CNTNAP2: variants seen among roughly 807,000 people sequenced by gnomAD.
CNTNAP2 encodes contactin associated protein 2.
A neutral mutation model predicts 155.2 loss-of-function variants in CNTNAP2; 98 were observed. The observed-to-expected ratio is 0.63, with a 90% CI of 0.54 to 0.75. CNTNAP2 has a LOEUF of 0.75. CNTNAP2 is among the 30% of genes least tolerant of loss of function. The pLI is 0.00. For synonymous variants in CNTNAP2, 651 were observed against 631.2 expected, an observed-to-expected ratio of 1.03 and a Z score of -0.47; for missense variants, 1,727 against 1,688.1, an observed-to-expected ratio of 1.02 and a Z score of -0.40.
intron 2 of CNTNAP2, among the ~76,000 whole-genome samples, chr7:146,818,868 A>G (rs899130267): frequency 6.6e-6 from 1 of 152,130 alleles, no homozygotes; most frequent in Non-Finnish European, 1.5e-5. Context: ...TAGTGTATGT[A>G]TGTAAAATAT....
intron 3 of CNTNAP2, among the ~76,000 whole-genome samples, chr7:146,992,237 A>T (rs1042676118): frequency 1.2e-4 from 19 of 152,222 alleles, no homozygotes; most frequent in Non-Finnish European, 1.8e-4. Context: ...TTTAAAAAAA[A>T]TCTTAGAGTA....
intron 3 of CNTNAP2, among the ~76,000 whole-genome samples, chr7:147,006,811 G>T (rs1798533666): frequency 6.6e-6 from 1 of 151,898 alleles, no homozygotes; most frequent in Non-Finnish European, 1.5e-5. Context: ...GGGGAGTATG[G>T]GGTCCTTGGT....
intron 15 of CNTNAP2, chr7:148,014,021 A>G (rs1401383430): frequency 6.6e-6 from 1 of 152,116 alleles, no homozygotes; most frequent in African/African-American, 2.4e-5. Context: ...AGCATTCCCA[A>G]ATGATTCCAA....
intron 10 of CNTNAP2, among the ~76,000 whole-genome samples, chr7:147,414,899 G>A (rs1162931891): frequency 1.7e-4 from 21 of 125,692 alleles, no homozygotes; most frequent in Non-Finnish European, 2.8e-4. Flanking sequence ...CCGAGATCGC[G>A]CCACTGCACT....
intron 8 of CNTNAP2, among the ~76,000 whole-genome samples, chr7:147,136,027 C>CAA (rs557644300): frequency 4.8e-4 from 67 of 140,756 alleles, no homozygotes; most frequent in African/African-American, 1.7e-3. Context: ...TGAATTATAG[C>CAA]AAAAAAAAAA....
intron 18 of CNTNAP2, among the ~76,000 whole-genome samples, chr7:148,213,907 C>T (rs1394199586): frequency 2.0e-5 from 3 of 152,160 alleles, no homozygotes; most frequent in African/African-American, 7.2e-5. Flanking sequence ...CCTCGGGGGT[C>T]TCAAGTGAAT....
chr7:147,441,838 TCTCTCTCTCTCTCCCTCCCTCC>T (rs1432776149), intron 10 of CNTNAP2, among the ~76,000 whole-genome samples: 14 of 146,966 alleles, frequency 9.5e-5, no homozygotes, highest in Non-Finnish European at 1.8e-4. Flanking sequence ...TCTCTCTCTC[TCTCTCTCTCTCTCCCTCCCTCC>T]CTCCCTCCCT....
chr7:146,375,582 G>A (rs186939309), intron 1 of CNTNAP2, among the ~76,000 whole-genome samples: 109 of 152,254 alleles, frequency 7.2e-4, no homozygotes, highest in Non-Finnish European at 1.1e-3. Flanking sequence ...CCTATTCTCC[G>A]AATTATAATT....
At chr7:146,933,551 C>G (rs1360010709) in intron 3 of CNTNAP2, among the ~76,000 whole-genome samples, 1 of 150,260 alleles carries the variant, frequency 6.7e-6, no homozygotes, top group Non-Finnish European at 1.5e-5. Flanking sequence ...GTCTAAAACA[C>G]CAAAAGCAAT....
chr7:147,408,444 G>A (rs1196769450), intron 10 of CNTNAP2, among the ~76,000 whole-genome samples: 1 of 152,166 alleles, frequency 6.6e-6, no homozygotes, highest in African/African-American at 2.4e-5. Context: ...TTGAAGCTAG[G>A]AATTTAGGGG....
chr7:148,023,768 C>G (rs1802326035), intron 15 of CNTNAP2, among the ~76,000 whole-genome samples: 1 of 152,164 alleles, frequency 6.6e-6, no homozygotes, highest in African/African-American at 2.4e-5. Context: ...GTCCACACAT[C>G]AATTTTTATA....
At chr7:146,951,333 C>A (rs1797309652) in intron 3 of CNTNAP2, among the ~76,000 whole-genome samples, 1 of 152,034 alleles carries the variant, frequency 6.6e-6, no homozygotes, top group Non-Finnish European at 1.5e-5. Context: ...CTTTTGTGGC[C>A]ATTGCTTTTG....
chr7:146,380,927 T>G (rs1795376793), intron 1 of CNTNAP2, among the ~76,000 whole-genome samples: 2 of 148,834 alleles, frequency 1.3e-5, no homozygotes, highest in Admixed American at 1.3e-4. Flanking sequence ...GCCTCCCGAG[T>G]AGCTGGGACT....
intron 1 of CNTNAP2, among the ~76,000 whole-genome samples, chr7:146,398,767 A>AAT (rs935366405): frequency 7.9e-4 from 120 of 151,950 alleles, no homozygotes; most frequent in Non-Finnish European, 1.3e-3. Flanking sequence ...TTACTCTAAA[A>AAT]ATATATATAT....
chr7:146,978,436 T>C (rs1797954133), intron 3 of CNTNAP2, among the ~76,000 whole-genome samples: 1 of 152,098 alleles, frequency 6.6e-6, no homozygotes, highest in Admixed American at 6.6e-5. Context: ...AAAAATGACA[T>C]TTCCAGGAGT....
chr7:148,062,028 A>AGAGAGAGTGT (rs1388530831), intron 15 of CNTNAP2, among the ~76,000 whole-genome samples: 14 of 106,008 alleles, frequency 1.3e-4, no homozygotes, highest in Non-Finnish European at 2.2e-4. Flanking sequence ...AGAGAGAGAG[A>AGAGAGAGTGT]GTGTGTGTGT....
intron 17 of CNTNAP2, among the ~76,000 whole-genome samples, chr7:148,158,861 T>C (rs888129743): frequency 1.3e-5 from 2 of 152,234 alleles, no homozygotes; most frequent in African/African-American, 4.8e-5. Flanking sequence ...ATTTTTTATC[T>C]TTCCGATAAG....
At chr7:147,397,415 G>A (rs985277363) in intron 10 of CNTNAP2, among the ~76,000 whole-genome samples, 4 of 151,848 alleles carry the variant, frequency 2.6e-5, no homozygotes, top group Non-Finnish European at 5.9e-5. Flanking sequence ...TAGTTATGGA[G>A]TTTTTTAGTA....
chr7:146,615,294 A>G (rs1256709868), intron 1 of CNTNAP2, among the ~76,000 whole-genome samples: 1 of 152,204 alleles, frequency 6.6e-6, no homozygotes, highest in African/African-American at 2.4e-5. Context: ...AGTTACTTGA[A>G]AGTCTAGAAA....
Sources: gnomAD v4.1 joint callset for allele counts (sites outside exome capture counted in the v4.1 genomes callset) on GRCh38, gnomAD v4.1.1 for gene constraint, MANE v1.5 for transcripts, NCBI Gene and HGNC (gene_info 2026-07-23, HGNC 2026-07-21) for gene names.